The following RSRC1 variants were observed in gnomAD, a reference collection of about 807,000 sequenced individuals.
RSRC1 encodes the protein arginine and serine rich coiled-coil 1.
Under a neutral mutation model 49.1 loss-of-function variants are expected in RSRC1, and 39 were observed. The ratio of observed to expected loss-of-function variants is 0.79; its 90% CI spans 0.61 to 1.04. The LOEUF (loss-of-function observed/expected upper bound fraction) is 1.04, where lower values mean the gene tolerates loss of function less well. RSRC1 is among the 50% of genes least tolerant of loss of function. The pLI is 0.00. For synonymous variants in RSRC1, 143 were observed against 130.8 expected, an observed-to-expected ratio of 1.09 and a Z score of -0.63; for missense variants, 388 against 402.4, an observed-to-expected ratio of 0.96 and a Z score of 0.31.
In RSRC1 at chr3:158,497,976, G is replaced by A. The variant is rs547748886; in HGVS notation, c.652+36973G>A. ...TATTTATCCACTTGTTGATTGATGGGCATTTGAGTTGGTTTCACGATTTGC... is the reference window on the plus strand; with the variant it reads ...TATTTATCCACTTGTTGATTGATGGACATTTGAGTTGGTTTCACGATTTGC... On this transcript the variant is annotated intron_variant, in intron 7 of 9. Coordinates refer to ENST00000611884, the MANE Select transcript of RSRC1 (RefSeq NM_001271838.2). Among the ~76,000 whole-genome samples, 26 of 152,168 alleles carry A rather than the reference G, an allele frequency of 1.7e-4. No individual in the cohort carries two copies. The East Asian group carries it at 3.7e-3, about 21-fold the overall frequency.
At chr3:158,126,348 G>T (rs1035335613) in intron 3 of RSRC1, among the ~76,000 whole-genome samples, 2 of 151,416 alleles carry the variant, frequency 1.3e-5, no homozygotes, top group Non-Finnish European at 3.0e-5. Flanking sequence ...GACATGCTAT[G>T]ATTTTTTTTC....
At position 158,503,821 on chromosome 3, in the gene RSRC1, A is replaced by G. The variant is rs115562556; in HGVS notation, c.653-33271A>G. ...CCCCAGACTACCCGTCTCCCAGAAA[A>G]GGGCTTGGTTCTTCCCCCACCTGTG... On this transcript the variant is annotated intron_variant, in intron 7 of 9. Coordinates refer to ENST00000611884, the MANE Select transcript of RSRC1 (RefSeq NM_001271838.2). 4.8e-3 allele frequency among the ~76,000 whole-genome samples: 728 copies of G among 152,140 alleles called. 8 individuals are homozygous for G. The highest frequency in any genetic ancestry group is 0.017 in the African/African-American group (696 of 41,498).
At chr3:158,191,369 G>C (rs1349267571) in intron 3 of RSRC1, among the ~76,000 whole-genome samples, 1 of 151,982 alleles carries the variant, frequency 6.6e-6, no homozygotes, top group African/African-American at 2.4e-5. Flanking sequence ...TTTATTTATA[G>C]ATAGGACTTA....
intron 3 of RSRC1, among the ~76,000 whole-genome samples, chr3:158,165,975 A>G (rs138902310): frequency 6.6e-5 from 10 of 152,270 alleles, no homozygotes; most frequent in African/African-American, 1.2e-4. Flanking sequence ...ATCTCTAAGG[A>G]ATTAGTCATT....
chr3:158,415,754 T>C (rs1346095064), intron 6 of RSRC1, among the ~76,000 whole-genome samples: 1 of 152,056 alleles, frequency 6.6e-6, no homozygotes, highest in African/African-American at 2.4e-5. Context: ...TGGGACAAGA[T>C]GATGAGCCTG....
intron 3 of RSRC1, among the ~76,000 whole-genome samples, chr3:158,162,118 A>G (rs1195713338): frequency 6.6e-6 from 1 of 152,188 alleles, no homozygotes; most frequent in African/African-American, 2.4e-5. Context: ...GAAACTGCCA[A>G]AATCTTGATG....
At chr3:158,491,020 T>C (rs1739062914) in intron 7 of RSRC1, among the ~76,000 whole-genome samples, 1 of 152,244 alleles carries the variant, frequency 6.6e-6, no homozygotes, top group Non-Finnish European at 1.5e-5. Context: ...TATTCTGATA[T>C]TTATGAGGTC....
At chr3:158,157,210 A>G (rs1717929359) in intron 3 of RSRC1, among the ~76,000 whole-genome samples, 1 of 152,228 alleles carries the variant, frequency 6.6e-6, no homozygotes, top group South Asian at 2.1e-4. Flanking sequence ...AATAATAGTA[A>G]CAATACATGC....
chr3:158,304,524 C>T (rs1211501401), intron 5 of RSRC1, among the ~76,000 whole-genome samples: 1 of 152,042 alleles, frequency 6.6e-6, no homozygotes, highest in Non-Finnish European at 1.5e-5. Context: ...TTCATATTTT[C>T]TTACTGTGTT....
chr3:158,147,915 G>A (rs1717248632), intron 3 of RSRC1, among the ~76,000 whole-genome samples: 1 of 152,086 alleles, frequency 6.6e-6, no homozygotes, highest in Non-Finnish European at 1.5e-5. Flanking sequence ...ATCCATTGCA[G>A]ACTAATATTT....
chr3:158,482,666 G>A (rs1023397896), intron 7 of RSRC1, among the ~76,000 whole-genome samples: 14 of 151,876 alleles, frequency 9.2e-5, no homozygotes, highest in African/African-American at 1.9e-4. Context: ...TAGAAATCAC[G>A]TCATCCTCAA....
chr3:158,192,898 G>A (rs977251204), intron 3 of RSRC1, among the ~76,000 whole-genome samples: 8 of 152,158 alleles, frequency 5.3e-5, no homozygotes, highest in Admixed American at 3.3e-4. Context: ...AACCTTGAGC[G>A]ATTGTTATGC....
At chr3:158,340,180 T>C (rs1224622245) in intron 5 of RSRC1, among the ~76,000 whole-genome samples, 1 of 152,174 alleles carries the variant, frequency 6.6e-6, no homozygotes, top group Non-Finnish European at 1.5e-5. Flanking sequence ...CTCGTGATAG[T>C]GAATAAGTCT....
intron 6 of RSRC1, among the ~76,000 whole-genome samples, chr3:158,361,630 A>G (rs1453027154): frequency 6.6e-6 from 1 of 152,236 alleles, no homozygotes; most frequent in African/African-American, 2.4e-5. Context: ...AGTTGCTTAC[A>G]AAATCAGTGT....
chr3:158,256,336 T>G (rs1372149583), intron 4 of RSRC1, among the ~76,000 whole-genome samples: 1 of 152,218 alleles, frequency 6.6e-6, no homozygotes, highest in East Asian at 1.9e-4. Context: ...TTTTTGTCGT[T>G]GGTTCTGTTC....
intron 4 of RSRC1, among the ~76,000 whole-genome samples, chr3:158,253,099 T>C (rs571558575): frequency 6.6e-6 from 1 of 152,128 alleles, no homozygotes; most frequent in East Asian, 1.9e-4. Flanking sequence ...TCTAATCTTA[T>C]TTCTTCTACT....
chr3:158,505,241 T>A (rs748313647), intron 7 of RSRC1, among the ~76,000 whole-genome samples: 6 of 152,302 alleles, frequency 3.9e-5, no homozygotes, highest in Non-Finnish European at 8.8e-5. Context: ...TATGAAGTAG[T>A]CTTCTGTGGG....
chr3:158,473,456 T>G (rs1158020829), intron 7 of RSRC1, among the ~76,000 whole-genome samples: 1 of 152,006 alleles, frequency 6.6e-6, no homozygotes, highest in Non-Finnish European at 1.5e-5. Context: ...AGGTGGGAAT[T>G]GAACAATGAG....
chr3:158,423,709 G>T (rs1203575127), intron 6 of RSRC1, among the ~76,000 whole-genome samples: 4 of 152,186 alleles, frequency 2.6e-5, no homozygotes, highest in Admixed American at 6.6e-5. Flanking sequence ...CTACCAATGA[G>T]CATGGAATGT....
Sources: gnomAD v4.1 joint callset for allele counts (sites outside exome capture counted in the v4.1 genomes callset) on GRCh38, gnomAD v4.1.1 for gene constraint, MANE v1.5 for transcripts, NCBI Gene and HGNC (gene_info 2026-07-23, HGNC 2026-07-21) for gene names.